PLXNB1: variants seen among roughly 807,000 people sequenced by gnomAD.
PLXNB1 encodes plexin B1.
A neutral mutation model predicts 209.4 loss-of-function variants in PLXNB1; 106 were observed. The observed-to-expected ratio is 0.51, with a 90% CI of 0.43 to 0.59. The LOEUF is 0.59. Among genes scored for constraint, PLXNB1 ranks in the 20% least tolerant of loss-of-function variants. The pLI, the probability that PLXNB1 is intolerant of heterozygous loss-of-function variation, is 0.00. For synonymous variants in PLXNB1, 1,167 were observed against 1,183.2 expected, an observed-to-expected ratio of 0.99 and a Z score of 0.28; for missense variants, 2,357 against 2,853.2, an observed-to-expected ratio of 0.83 and a Z score of 3.96.
Position 48,406,807 on chromosome 3 carries a change from C to A in PLXNB1, c.6228+16G>T. 1 of 1,590,526 alleles carries A rather than the reference C, an allele frequency of 6.3e-7. No homozygotes were observed. Among genetic ancestry groups the A allele is most frequent in the Non-Finnish European group, 8.6e-7 (1 of 1,168,564 alleles). On this transcript the variant is annotated intron_variant, in intron 36 of 37. Coordinates refer to ENST00000296440, the MANE Select transcript of PLXNB1 (RefSeq NM_001130082.3). This position sits in a 1 kb window ranked among gnomAD's most constrained non-coding sequence, Gnocchi z 4.4. ...GGAGGCCTATGCCCAACCCAAGAAGCAGAGGGAGGCCTTACCCAGGACAGT... is the reference window on the plus strand; with the variant it reads ...GGAGGCCTATGCCCAACCCAAGAAGAAGAGGGAGGCCTTACCCAGGACAGT...
Position 48,419,282 on chromosome 3 carries a change from C to A in PLXNB1, c.2794G>T (p.Glu932Ter). 6.3e-7 allele frequency: 1 copy of A among 1,596,002 alleles called. No individual in the cohort carries two copies. Among genetic ancestry groups the A allele is most frequent in the South Asian group, 1.1e-5 (1 of 89,658 alleles). Residue 932 changes from glutamate to a stop codon, truncating the protein, a stop_gained, in exon 12 of 38, where the codon GAA becomes TAA. Transcript: ENST00000296440. LOFTEE classifies it high-confidence loss of function. This position sits in a 1 kb window ranked among gnomAD's most constrained non-coding sequence, Gnocchi z 5.7. ...STLMPVHVER[E>*]IRLLGRNLHL... ...AGGTTCCTGCCTAGCAGCCGGATTT[C>A]CCGCTCCACATGGACCGGCATCAAC...
Position 48,411,005 on chromosome 3 carries a change from C to A in PLXNB1, c.5279G>T (p.Gly1760Val). 1 of 1,613,718 alleles carries A rather than the reference C, an allele frequency of 6.2e-7. No homozygotes were observed. Among genetic ancestry groups the A allele is most frequent in the Non-Finnish European group, 8.5e-7 (1 of 1,179,940 alleles). Residue 1760 changes from glycine (G) to valine (V), a missense_variant, in exon 29 of 38, where the codon GGG becomes GTG. Gly to Val is a moderately radical substitution (Grantham distance 109). Coordinates refer to ENST00000296440, the MANE Select transcript of PLXNB1 (RefSeq NM_001130082.3). The surrounding 1 kb of genome is among the most constrained non-coding windows in gnomAD (Gnocchi z 4.0). ...GGGCACGCCCTGGGCCTCTCCTGCC[C>A]CAGGCCCCACAGCCAATAGTGCATT... Reference protein sequence around the residue: ...TLNALLAVGPGAGEAQGVPVK... With the variant: ...TLNALLAVGPVAGEAQGVPVK...
rs1382017510 is a variant in PLXNB1 at position 48,417,740 on chromosome 3, G to C, written c.3374+171C>G. On this transcript the variant is annotated intron_variant, in intron 16 of 37. Coordinates refer to ENST00000296440, the MANE Select transcript of PLXNB1 (RefSeq NM_001130082.3). The surrounding 1 kb of genome is among the most constrained non-coding windows in gnomAD (Gnocchi z 4.4). ...CCCAGGCCAGGAACCTACAGGTGTG[G>C]TGGGTGCTCAGGGTCTTCAGTGGCA... 6.6e-6 allele frequency among the ~76,000 whole-genome samples: 1 copy of C among 152,214 alleles called. No homozygotes were observed. The highest frequency in any genetic ancestry group is 1.5e-5 in the Non-Finnish European group (1 of 68,032).
In PLXNB1 at chr3:48,424,101, C is replaced by G. The variant is rs1475419965; in HGVS notation, c.511G>C (p.Gly171Arg). The G allele has an allele frequency of 6.4e-7, 1 of 1,558,544 alleles. No individual in the cohort carries two copies. The highest frequency in any genetic ancestry group is 8.7e-7 in the Non-Finnish European group (1 of 1,151,130). Residue 171 changes from glycine to arginine, a missense_variant, in exon 3 of 38, where the codon GGA becomes CGA. Coordinates refer to ENST00000296440, the MANE Select transcript of PLXNB1 (RefSeq NM_001130082.3). ...CCCCCCACACCCCTGCTGGTGTATC[C>G]TCGCCCCACAAACAGGAGGGGCTCC... ...AGEPLLFVGR[G>R]YTSRGVGGGI...
Position 48,413,225 on chromosome 3 carries a change from C to T in PLXNB1, c.4536-56G>A. ...CCAGATGAGTCCTACTCGCCCAGGC[C>T]TGCCTGACAATCCCCAGGCACACCC... On this transcript the variant is annotated intron_variant, in intron 23 of 37. Coordinates refer to ENST00000296440, the MANE Select transcript of PLXNB1 (RefSeq NM_001130082.3). The surrounding 1 kb of genome is among the most constrained non-coding windows in gnomAD (Gnocchi z 5.4). 7.2e-7 allele frequency: 1 copy of T among 1,387,502 alleles called. No homozygotes were observed. The highest frequency in any genetic ancestry group is 1.2e-5 in the South Asian group (1 of 86,524). 85.9% of individuals were successfully genotyped at this position (1,387,502 alleles called of 1,614,324 possible).
At chr3:48,414,666 A>C in intron 21 of PLXNB1, 133 bp downstream of exon 21, 1 of 1,146,894 alleles carries the variant, frequency 8.7e-7, no homozygotes, top group Non-Finnish European at 1.2e-6. Context: ...TGCCCCCACC[A>C]CAGCAAGGAT....
intron 2 of PLXNB1, 144 bp from the exon 3 acceptor site, chr3:48,424,761 T>C (rs1164398151): frequency 3.7e-6 from 3 of 801,800 alleles, no homozygotes; most frequent in Non-Finnish European, 5.8e-6. Flanking sequence ...GCTTCTTAGA[T>C]AGGCACTATG....
rs141147374 is a variant in PLXNB1, at chr3:48,418,224, C to T, written c.3189G>A (p.Val1063=). The T allele has an allele frequency of 3.1e-6, 5 of 1,612,322 alleles. No homozygotes were observed. The African/African-American group carries it at 5.3e-5, about 17-fold the overall frequency. The stretch of plus-strand genomic sequence containing the variant: ...TGAGGGGCGCTGGGCACTGGGTGGC[C>T]ACAGCCTCAGCCTCACCACAGGCCT... ...TREACGEAEA[V]ATQCPAPLIH... Residue 1063 remains valine (V), a synonymous_variant, in exon 15 of 38, where the codon GTG becomes GTA. Coordinates refer to ENST00000296440, the MANE Select transcript of PLXNB1 (RefSeq NM_001130082.3). This position sits in a 1 kb window ranked among gnomAD's most constrained non-coding sequence, Gnocchi z 6.6.
Position 48,422,338 on chromosome 3 carries a change from T to C in PLXNB1, c.1412A>G (p.Gln471Arg). Reference sequence around the variant, plus strand: ...CTTGTGCCTGGCACTCACTGTGCTCTGGGTCATGACATACAGGTGCTCAAA... The same window carrying C: ...CTTGTGCCTGGCACTCACTGTGCTCCGGGTCATGACATACAGGTGCTCAAA... The part of the protein sequence containing the change: ...GTFEHLYVMT[Q>R]STLLKVPVAS... Residue 471 changes from glutamine to arginine, a missense_variant, in exon 5 of 38, where the codon CAG (glutamine) becomes CGG (arginine). This residue lies in a region of PLXNB1 where 214 missense variants were observed against 297.1 expected (regional missense o/e 0.72). Transcript: ENST00000296440. 6.2e-7 allele frequency: 1 copy of C among 1,611,192 alleles called. No homozygotes were observed. The highest frequency in any genetic ancestry group is 8.5e-7 in the Non-Finnish European group (1 of 1,178,524).
chr3:48,428,508 TCGA>T (rs1195148236), intron 1 of PLXNB1, among the ~76,000 whole-genome samples: 5 of 152,100 alleles, frequency 3.3e-5, no homozygotes, highest in Admixed American at 2.6e-4. Context: ...GGAGCTGTCC[TCGA>T]CAACAAAAGG....
intron 1 of PLXNB1, among the ~76,000 whole-genome samples, chr3:48,428,546 A>C (rs1280353228): frequency 6.6e-6 from 1 of 152,088 alleles, no homozygotes; most frequent in Non-Finnish European, 1.5e-5. Context: ...GCCATTCCGC[A>C]CCTGCAGAGG....
Position 48,424,392 on chromosome 3 carries a change from G to A in PLXNB1, c.220C>T (p.Leu74=), listed in dbSNP as rs1258720980. The A allele has an allele frequency of 6.4e-7, 1 of 1,558,976 alleles. No homozygotes were observed. Among genetic ancestry groups the A allele is most frequent in the Non-Finnish European group, 8.7e-7 (1 of 1,151,070 alleles). ...GGTGGCAGGCAGTCCCTGCTGTCTA[G>A]CACAGGGCCGGTGGACACTGTGGCC... ...LEATVSTGPV[L]DSRDCLPPVM... Residue 74 remains leucine, a synonymous_variant, in exon 3 of 38, where the codon CTA becomes TTA. Transcript: ENST00000296440.
Position 48,410,810 on chromosome 3 carries a change from C to G in PLXNB1, c.5416+58G>C, listed in dbSNP as rs777489812. Reference sequence around the variant, plus strand: ...ATGAGTTGTCCCTGCAGAGTTGGTCCGGGGCCAGCCCAGGCCCAACAGTGG... The same window carrying G: ...ATGAGTTGTCCCTGCAGAGTTGGTCGGGGGCCAGCCCAGGCCCAACAGTGG... On this transcript the variant is annotated intron_variant, in intron 29 of 37. Transcript: ENST00000296440. This position sits in a 1 kb window ranked among gnomAD's most constrained non-coding sequence, Gnocchi z 6.4. 2.0e-6 allele frequency: 3 copies of G among 1,521,994 alleles called. No homozygotes were observed. In the African/African-American group the frequency reaches 4.1e-5, roughly 21 times the overall value. The allele number at this position is 1,521,994 out of a possible 1,614,324, so 94.3% of individuals were successfully genotyped here. A position where few individuals can be genotyped will look rare whatever the true frequency, so the allele number is the denominator to read the frequency against.
rs1001501826 is a variant in PLXNB1 at position 48,420,252 on chromosome 3, C to T, written c.2034G>A (p.Pro678=). The part of the protein sequence containing the change: ...AGPMVASHQS[P]LVSPDPPARG... ...TTGCAGGAGGGTCTGGGGAGACAAG[C>T]GGGCTCTGAAGGGGGAGGCAGAGGA... is the stretch of plus-strand genomic sequence containing the variant. The change falls in exon 11 of 38, where the codon CCG becomes CCA. Residue 678 remains proline, a synonymous_variant. Coordinates refer to ENST00000296440, the MANE Select transcript of PLXNB1 (RefSeq NM_001130082.3). 3.0e-5 allele frequency: 46 copies of T among 1,540,290 alleles called. No homozygotes were observed. Among genetic ancestry groups the T allele is most frequent in the African/African-American group, 9.6e-5 (7 of 72,822 alleles).
chr3:48,420,313 C>G (rs2038422826), intron 10 of PLXNB1, 56 bp from the exon 11 acceptor site: 1 of 1,007,778 alleles, frequency 9.9e-7, no homozygotes, highest in South Asian at 1.5e-5. Flanking sequence ...AGGCGCGGGA[C>G]AGGAGGCAGG....
rs2038196924 is a variant in PLXNB1, at chr3:48,417,799, G to A, written c.3374+112C>T. On this transcript the variant is annotated intron_variant, in intron 16 of 37. Coordinates refer to ENST00000296440, the MANE Select transcript of PLXNB1 (RefSeq NM_001130082.3). The surrounding 1 kb of genome is among the most constrained non-coding windows in gnomAD (Gnocchi z 4.4). ...ACTCGGGCATTGTGGCCAGGATCAA[G>A]GAACAGGGAGAGAGGGGGGCAGATG... 1.7e-6 allele frequency: 2 copies of A among 1,203,384 alleles called. No individual in the cohort carries two copies. Among genetic ancestry groups the A allele is most frequent in the African/African-American group, 1.5e-5 (1 of 65,980 alleles). The allele number at this position is 1,203,384 out of a possible 1,614,324, so 74.5% of individuals were successfully genotyped here.
chr3:48,421,206 G>C lies in PLXNB1; in HGVS notation c.1810+22C>G, dbSNP rs897550352. ...TGAAGCAGGGGCTGGCCCCCACCAG[G>C]CTGGCCCATTCTCTCACCCACCGGC... On this transcript the variant is annotated intron_variant, in intron 8 of 37. Transcript: ENST00000296440. 3.7e-6 allele frequency: 6 copies of C among 1,610,318 alleles called. No homozygotes were observed. The African/African-American group carries it at 4.0e-5, about 11-fold the overall frequency.
chr3:48,422,686 A>AGCTTAAACCAG (rs2038611135), intron 4 of PLXNB1, 79 bp downstream of exon 4: 1 of 1,467,986 alleles, frequency 6.8e-7, no homozygotes, highest in Non-Finnish European at 9.3e-7. Flanking sequence ...TCACAGGGAT[A>AGCTTAAACCAG]GCTTAAACCA....
Position 48,416,691 on chromosome 3 carries a change from T to G in PLXNB1, c.3375-240A>C. On this transcript the variant is annotated intron_variant, in intron 16 of 37. Transcript: ENST00000296440. The surrounding 1 kb of genome is among the most constrained non-coding windows in gnomAD (Gnocchi z 4.1). ...TAAGTTCAACCCCAGGGGCCCCCAATAAGGAAGAATTTATCTGTGGCATAA... is the reference window on the plus strand; with the variant it reads ...TAAGTTCAACCCCAGGGGCCCCCAAGAAGGAAGAATTTATCTGTGGCATAA... The G allele has an allele frequency of 5.5e-6, 2 of 364,594 alleles. No individual in the cohort carries two copies. The highest frequency in any genetic ancestry group is 4.9e-6 in the Non-Finnish European group (1 of 204,618). 22.6% of individuals were successfully genotyped at this position (364,594 alleles called of 1,614,324 possible).
Sources: allele counts gnomAD v4.1 joint callset (sites outside exome capture counted in the v4.1 genomes callset), GRCh38; gene constraint gnomAD v4.1.1; regional missense constraint gnomAD v4.1.1; non-coding constraint Gnocchi (gnomAD v3.1); transcripts MANE v1.5; gene names NCBI Gene and HGNC (gene_info 2026-07-23, HGNC 2026-07-21).